Variants in ALDH1L2 observed in about 807,000 individuals in gnomAD.
The protein encoded by ALDH1L2 is aldehyde dehydrogenase 1 family member L2.
A neutral mutation model predicts 111.0 loss-of-function variants in ALDH1L2; 91 were observed. That is an observed-to-expected ratio of 0.82 (90% CI 0.69 to 0.98). The LOEUF (loss-of-function observed/expected upper bound fraction) is 0.98. ALDH1L2 is among the 50% of genes least tolerant of loss of function. The pLI is 0.00. For missense variants in ALDH1L2, 995 were observed against 1,126.8 expected (o/e 0.88, Z 1.67); for synonymous variants, 374 against 392.6 (o/e 0.95, Z 0.56).
chr12:105,046,813 A>T lies in ALDH1L2; in HGVS notation c.1760T>A (p.Val587Asp). 1 of 1,614,034 alleles carries T rather than the reference A, an allele frequency of 6.2e-7. No homozygotes were observed. The highest frequency in any genetic ancestry group is 8.5e-7 in the Non-Finnish European group (1 of 1,179,926). ...GTTCCAGGGAATAATAATGGCACAG[A>T]CACTGCAGGGGAAGAAATTCGACAT... ...LTFTKKEPLG[V>D]CAIIIPWNYP... Residue 587 changes from valine (V) to aspartate (D), a missense_variant and splice_region_variant, in exon 15 of 23, where the codon GTC becomes GAC. Val to Asp is a radical substitution (Grantham distance 152). Coordinates refer to ENST00000258494, the MANE Select transcript of ALDH1L2 (RefSeq NM_001034173.4).
chr12:105,062,213 G>A (rs1347153168), intron 7 of ALDH1L2, among the ~76,000 whole-genome samples: 1 of 152,192 alleles, frequency 6.6e-6, no homozygotes, highest in Non-Finnish European at 1.5e-5. Flanking sequence ...AAAGCCAGTG[G>A]AGGCGGATGC....
At chr12:105,067,312 G>C (rs1877431284) in intron 4 of ALDH1L2, among the ~76,000 whole-genome samples, 2 of 151,818 alleles carry the variant, frequency 1.3e-5, no homozygotes, top group Non-Finnish European at 2.9e-5. Context: ...AACAGGATTT[G>C]TATCCAGGTC....
intron 9 of ALDH1L2, 49 bp downstream of exon 9, chr12:105,060,932 A>C: frequency 6.4e-7 from 1 of 1,565,654 alleles, no homozygotes; most frequent in Non-Finnish European, 8.8e-7. Context: ...CCAAAGTCAA[A>C]ATCTCTAGTG....
rs141596843 is a variant in ALDH1L2, at chr12:105,069,117, G to A, written c.429-233C>T. On this transcript the variant is annotated intron_variant, in intron 3 of 22. Coordinates refer to ENST00000258494, the MANE Select transcript of ALDH1L2 (RefSeq NM_001034173.4). ...ATCTTGTCTTTCTTGTTAATGTACA[G>A]TAATGACTTGCAGTGAATTTAAAAA... Among the ~76,000 whole-genome samples, 65 of 152,226 alleles carry A rather than the reference G, an allele frequency of 4.3e-4. No individual in the cohort carries two copies. In the East Asian group the frequency reaches 0.011, roughly 26 times the overall value.
At chr12:105,080,377 C>T (rs1035693761) in intron 1 of ALDH1L2, among the ~76,000 whole-genome samples, 8 of 152,000 alleles carry the variant, frequency 5.3e-5, no homozygotes, top group Non-Finnish European at 1.2e-4. Context: ...TTTTATTGCT[C>T]ATTTATATTT....
In ALDH1L2 at chr12:105,084,377, G is replaced by A. The variant is rs1380780363; in HGVS notation, c.48+12C>T. On this transcript the variant is annotated intron_variant, in intron 1 of 22. Transcript: ENST00000258494. ...GGGTGACAGCCGGGACGCTCGCCCGGGCCGGACTCACCCGGCCAGTGGAGA... is the reference window on the plus strand; with the variant it reads ...GGGTGACAGCCGGGACGCTCGCCCGAGCCGGACTCACCCGGCCAGTGGAGA... 43 of 1,505,060 alleles carry A rather than the reference G, an allele frequency of 2.9e-5. No individual in the cohort carries two copies. Among genetic ancestry groups the A allele is most frequent in the Non-Finnish European group, 3.8e-5 (43 of 1,133,628 alleles). 93.2% of individuals were successfully genotyped at this position (1,505,060 alleles called of 1,614,324 possible). A position where few individuals can be genotyped will look rare whatever the true frequency, so the allele number is the denominator to read the frequency against.
chr12:105,054,925 A>C (rs1876520902), intron 10 of ALDH1L2, among the ~76,000 whole-genome samples: 1 of 152,206 alleles, frequency 6.6e-6, no homozygotes, highest in African/African-American at 2.4e-5. Flanking sequence ...ATTTGTCAAA[A>C]ATAATCAGTG....
intron 15 of ALDH1L2, among the ~76,000 whole-genome samples, chr12:105,041,936 ACT>A (rs1875560510): frequency 6.6e-6 from 1 of 152,066 alleles, no homozygotes; most frequent in Non-Finnish European, 1.5e-5. Context: ...ATTCTTCCCT[ACT>A]CCAGCTACTT....
chr12:105,041,841 C>T (rs572535929), intron 15 of ALDH1L2, among the ~76,000 whole-genome samples: 9 of 150,710 alleles, frequency 6.0e-5, no homozygotes, highest in South Asian at 4.3e-4. Flanking sequence ...CCCTTCAGTA[C>T]GGCCCCTTAT....
chr12:105,033,138 G>A (rs917574912), intron 19 of ALDH1L2, among the ~76,000 whole-genome samples: 1 of 152,172 alleles, frequency 6.6e-6, no homozygotes, highest in Non-Finnish European at 1.5e-5. Flanking sequence ...TTCTGCACTG[G>A]ATGAGAAGTT....
intron 12 of ALDH1L2, 120 bp from the exon 13 acceptor site, chr12:105,050,178 C>G: frequency 1.1e-6 from 1 of 941,040 alleles, no homozygotes; most frequent in Non-Finnish European, 1.5e-6. Flanking sequence ...GATCTCTGCC[C>G]TTATAGAGAT....
chr12:105,073,894 C>T lies in ALDH1L2; in HGVS notation c.160G>A (p.Val54Ile). 3 of 1,614,200 alleles carry T rather than the reference C, an allele frequency of 1.9e-6. No homozygotes were observed. Among genetic ancestry groups the T allele is most frequent in the Non-Finnish European group, 2.5e-6 (3 of 1,180,044 alleles). ...EGHRVVGVFT[V>I]PDKDGKADPL... ...TCAGCTTTTCCATCCTTGTCTGGAA[C>T]TGTGAACACCCCTACTACTCGGTGG... Residue 54 changes from valine (V) to isoleucine (I), a missense_variant, in exon 2 of 23, where the codon GTT (valine) becomes ATT (isoleucine). Coordinates refer to ENST00000258494, the MANE Select transcript of ALDH1L2 (RefSeq NM_001034173.4).
At chr12:105,045,999 AT>A (rs944597808) in intron 15 of ALDH1L2, among the ~76,000 whole-genome samples, 3 of 151,464 alleles carry the variant, frequency 2.0e-5, no homozygotes, top group Non-Finnish European at 4.4e-5. Flanking sequence ...TGGCTGCCAT[AT>A]TTTTTTCTTA....
chr12:105,034,562 T>G (rs1381384931), intron 18 of ALDH1L2, among the ~76,000 whole-genome samples, 164 bp from the exon 19 acceptor site: 1 of 152,220 alleles, frequency 6.6e-6, no homozygotes, highest in South Asian at 2.1e-4. Context: ...TTCTTGGAGA[T>G]ACTCTGTTTT....
Position 105,031,407 on chromosome 12 carries a change from G to C in ALDH1L2, c.2410+362C>G, listed in dbSNP as rs187624904. On this transcript the variant is annotated intron_variant, in intron 20 of 22. Transcript: ENST00000258494. ...CTTTTTTGGCAGGAACACTTCATAG[G>C]TGATACTGTGTATTACACGTTTTAT... Among the ~76,000 whole-genome samples the C allele has an allele frequency of 3.3e-5, 5 of 152,234 alleles. No individual in the cohort carries two copies. In the East Asian group the frequency reaches 9.6e-4, roughly 29 times the overall value.
At chr12:105,028,519 A>G (rs1342589430) in intron 21 of ALDH1L2, among the ~76,000 whole-genome samples, 4 of 152,234 alleles carry the variant, frequency 2.6e-5, no homozygotes, top group African/African-American at 7.2e-5. Flanking sequence ...GTTTCAGTGT[A>G]GTGCCTTATG....
At chr12:105,083,564 A>C (rs1878428345) in intron 1 of ALDH1L2, among the ~76,000 whole-genome samples, 1 of 152,196 alleles carries the variant, frequency 6.6e-6, no homozygotes, top group Non-Finnish European at 1.5e-5. Context: ...AAAAGAATCG[A>C]TAAGCAAATT....
At chr12:105,079,962 G>A (rs778014786) in intron 1 of ALDH1L2, among the ~76,000 whole-genome samples, 14 of 152,184 alleles carry the variant, frequency 9.2e-5, no homozygotes, top group East Asian at 1.9e-4. Flanking sequence ...TTCCTTGTTC[G>A]TACATATAAT....
chr12:105,044,535 C>G (rs769848630), intron 15 of ALDH1L2, among the ~76,000 whole-genome samples: 17 of 134,644 alleles, frequency 1.3e-4, no homozygotes, highest in Admixed American at 4.6e-4. Flanking sequence ...TTACCTGTCT[C>G]CTCACTTCAC....
Sources: allele counts gnomAD v4.1 joint callset (sites outside exome capture counted in the v4.1 genomes callset), GRCh38; gene constraint gnomAD v4.1.1; transcripts MANE v1.5; gene names NCBI Gene and HGNC (gene_info 2026-07-23, HGNC 2026-07-21).